SOX5: variants seen among roughly 807,000 people sequenced by gnomAD.
The protein encoded by SOX5 is transcription factor SOX-5.
SOX5 carries 9 observed loss-of-function variants against 92.0 expected under a neutral mutation model. The observed-to-expected ratio is 0.10, with a 90% CI of 0.06 to 0.17. The LOEUF is 0.17. Ranked by LOEUF, SOX5 falls within the 10% of genes least tolerant of loss-of-function variation. The probability of loss-of-function intolerance (pLI) is 1.00; values close to 1 mark genes in which losing one functional copy is unlikely to be tolerated. For missense variants in SOX5, 642 were observed against 944.5 expected, an observed-to-expected ratio of 0.68 and a Z score of 4.20; for synonymous variants, 344 against 336.3, an observed-to-expected ratio of 1.02 and a Z score of -0.25.
Position 23,919,423 on chromosome 12 carries a change from G to A in SOX5, c.39-23399C>T, listed in dbSNP as rs146372521. Among the ~76,000 whole-genome samples the A allele has an allele frequency of 7.4e-4, 113 of 152,254 alleles. 1 individual carries two copies. The highest frequency in any genetic ancestry group is 2.6e-3 in the African/African-American group (107 of 41,534). On this transcript the variant is annotated intron_variant, in intron 1 of 14. Transcript: ENST00000451604. ...AACAGTAACAATACATTCAATATTA[G>A]AACTATCTCAAAATATCTTGGTATT...
intron 3 of SOX5, among the ~76,000 whole-genome samples, chr12:24,235,853 T>C (rs1964377530): frequency 6.6e-6 from 1 of 152,158 alleles, no homozygotes; most frequent in Non-Finnish European, 1.5e-5. Context: ...GTCGGGAATT[T>C]GTAACTAATA....
At chr12:24,189,688 A>G (rs1304624668) in intron 4 of SOX5, among the ~76,000 whole-genome samples, 1 of 152,078 alleles carries the variant, frequency 6.6e-6, no homozygotes, top group Non-Finnish European at 1.5e-5. Context: ...TCTAGTTCTT[A>G]CCCTCAGATC....
At chr12:24,007,788 C>T (rs1482376608) in intron 4 of SOX5, among the ~76,000 whole-genome samples, 1 of 14,878 alleles carries the variant, frequency 6.7e-5, no homozygotes, top group African/African-American at 1.1e-4. Context: ...TATACACATA[C>T]GCACGCACAC....
chr12:24,419,599 C>A (rs1965596905), intron 1 of SOX5, among the ~76,000 whole-genome samples: 1 of 152,162 alleles, frequency 6.6e-6, no homozygotes, highest in African/African-American at 2.4e-5. Context: ...TCTAAGAGTA[C>A]AATTAACCAT....
intron 8 of SOX5, among the ~76,000 whole-genome samples, chr12:23,607,974 A>G (rs998049940): frequency 1.3e-5 from 2 of 152,054 alleles, no homozygotes; most frequent in African/African-American, 4.8e-5. Context: ...CACTAAACAT[A>G]AAAGGCTGAG....
intron 1 of SOX5, among the ~76,000 whole-genome samples, chr12:24,442,349 G>A (rs1044583134): frequency 6.6e-6 from 1 of 152,220 alleles, no homozygotes; most frequent in East Asian, 1.9e-4. Context: ...CTAGGGATTC[G>A]TTAGTGGACA....
intron 2 of SOX5, among the ~76,000 whole-genome samples, chr12:23,877,491 C>A (rs985337103): frequency 1.3e-5 from 2 of 152,090 alleles, no homozygotes; most frequent in African/African-American, 4.8e-5. Flanking sequence ...AGATTCTCAA[C>A]CTTATTAATA....
chr12:23,859,467 G>A (rs755473209), intron 2 of SOX5, among the ~76,000 whole-genome samples: 40 of 152,188 alleles, frequency 2.6e-4, no homozygotes, highest in Non-Finnish European at 5.1e-4. Flanking sequence ...AGTCAGACCA[G>A]TTATCTGCTC....
At chr12:23,851,842 CTA>C (rs1018211916) in intron 2 of SOX5, among the ~76,000 whole-genome samples, 3 of 151,932 alleles carry the variant, frequency 2.0e-5, no homozygotes, top group Non-Finnish European at 4.4e-5. Flanking sequence ...GCCTAAACAA[CTA>C]TAAGGTACAC....
chr12:23,646,460 C>T (rs2080863493), intron 7 of SOX5, among the ~76,000 whole-genome samples: 1 of 152,162 alleles, frequency 6.6e-6, no homozygotes, highest in Non-Finnish European at 1.5e-5. Context: ...AGCCACCGCG[C>T]CTGGTGGGAA....
At chr12:24,330,007 A>C (rs1216726640) in intron 2 of SOX5, among the ~76,000 whole-genome samples, 1 of 152,226 alleles carries the variant, frequency 6.6e-6, no homozygotes, top group African/African-American at 2.4e-5. Context: ...TGGGCAACAG[A>C]GTGAGACTCT....
chr12:23,731,421 G>T (rs2093388567), intron 6 of SOX5, among the ~76,000 whole-genome samples: 1 of 151,990 alleles, frequency 6.6e-6, no homozygotes, highest in Non-Finnish European at 1.5e-5. Flanking sequence ...ATCTTCTATT[G>T]ATTCTGTCAT....
At chr12:23,811,005 T>A (rs1181411610) in intron 3 of SOX5, among the ~76,000 whole-genome samples, 2 of 152,160 alleles carry the variant, frequency 1.3e-5, no homozygotes, top group East Asian at 3.8e-4. Context: ...AGGTGGTTTT[T>A]GTGTAAGATA....
At chr12:24,554,084 A>G (rs181477577) in intron 1 of SOX5, among the ~76,000 whole-genome samples, 1 of 152,350 alleles carries the variant, frequency 6.6e-6, no homozygotes, top group East Asian at 1.9e-4. Flanking sequence ...GACACATATG[A>G]AAGAATGCCA....
chr12:24,327,423 T>C, intron 2 of SOX5, among the ~76,000 whole-genome samples: 1 of 77,454 alleles, frequency 1.3e-5, no homozygotes, highest in African/African-American at 5.4e-5. Context: ...TTTTTTTTTT[T>C]TTTTTTTTTG....
intron 1 of SOX5, among the ~76,000 whole-genome samples, chr12:24,543,560 C>T (rs1952340561): frequency 2.6e-5 from 4 of 152,090 alleles, no homozygotes; most frequent in Admixed American, 6.6e-5. Context: ...TGGTGGTACG[C>T]GTGTGTGGTC....
At chr12:24,058,749 G>C (rs1592755650) in intron 4 of SOX5, among the ~76,000 whole-genome samples, 1 of 152,086 alleles carries the variant, frequency 6.6e-6, no homozygotes, top group Non-Finnish European at 1.5e-5. Flanking sequence ...AAGAGTAAAT[G>C]ATCCTGAACC....
intron 2 of SOX5, among the ~76,000 whole-genome samples, chr12:24,344,138 T>C (rs780411115): frequency 4.6e-5 from 7 of 151,568 alleles, no homozygotes; most frequent in East Asian, 1.9e-4. Context: ...CAAAAATTAG[T>C]TGGGCGTGGT....
intron 1 of SOX5, among the ~76,000 whole-genome samples, chr12:23,906,972 A>AC (rs1321055407): frequency 3.3e-5 from 5 of 152,012 alleles, no homozygotes; most frequent in African/African-American, 1.2e-4. Context: ...TGAAATGCTT[A>AC]CCCATTCTCA....
Sources: allele counts gnomAD v4.1 joint callset (sites outside exome capture counted in the v4.1 genomes callset), GRCh38; gene constraint gnomAD v4.1.1; transcripts MANE v1.5; gene names NCBI Gene and HGNC (gene_info 2026-07-23, HGNC 2026-07-21).